The following GALNT13 variants were observed in gnomAD, a reference collection of about 807,000 sequenced individuals.
GALNT13 encodes the protein UDP-GalNAc:polypeptide N-acetylgalactosaminyltransferase 13.
A neutral mutation model predicts 64.2 loss-of-function variants in GALNT13; 28 were observed. The observed-to-expected ratio is 0.44, with a 90% CI of 0.32 to 0.60. The LOEUF (loss-of-function observed/expected upper bound fraction) is 0.60. Ranked by LOEUF, GALNT13 falls within the 20% of genes least tolerant of loss-of-function variation. The probability of loss-of-function intolerance (pLI) is 0.05; values close to 1 mark genes in which losing one functional copy is unlikely to be tolerated. For missense variants in GALNT13, 577 were observed against 669.8 expected (o/e 0.86, Z 1.53); for synonymous variants, 214 against 224.6 (o/e 0.95, Z 0.42).
the GALNT13 span, among the ~76,000 whole-genome samples, chr2:153,821,842 T>G: frequency 6.6e-6 from 1 of 151,944 alleles, no homozygotes; most frequent in South Asian, 2.1e-4. Flanking sequence ...CAATCTAAAG[T>G]AACCATGAAA....
intron 2 of GALNT13, among the ~76,000 whole-genome samples, chr2:153,933,901 A>C (rs1462609084): frequency 6.6e-6 from 1 of 152,148 alleles, no homozygotes; most frequent in Non-Finnish European, 1.5e-5. Context: ...CTTTTCTTTA[A>C]GAATACTGAA....
chr2:154,093,853 A>G (rs1701945713), intron 3 of GALNT13, among the ~76,000 whole-genome samples: 1 of 151,646 alleles, frequency 6.6e-6, no homozygotes, highest in Non-Finnish European at 1.5e-5. Flanking sequence ...ATCTTGCTCT[A>G]AGTATATTCT....
At chr2:154,092,075 GAAAAAAAAAAA>G (rs58406719) in intron 3 of GALNT13, among the ~76,000 whole-genome samples, 10 of 74,508 alleles carry the variant, frequency 1.3e-4, no homozygotes, top group African/African-American at 4.6e-4. Flanking sequence ...TTCATGTCTG[GAAAAAAAAAAA>G]AAAAAAAAAA....
At chr2:153,297,064 ACT>A in the GALNT13 span, among the ~76,000 whole-genome samples, 15 of 152,184 alleles carry the variant, frequency 9.9e-5, no homozygotes, top group Non-Finnish European at 1.8e-4. Flanking sequence ...AAGCAATCAG[ACT>A]CTAGGATGCC....
the GALNT13 span, among the ~76,000 whole-genome samples, chr2:153,700,543 A>G: frequency 1.3e-5 from 2 of 152,182 alleles, no homozygotes; most frequent in Admixed American, 1.3e-4. Flanking sequence ...GAAGAGAGGA[A>G]GTCAAATTGT....
the GALNT13 span, among the ~76,000 whole-genome samples, chr2:153,758,082 G>A: frequency 6.6e-6 from 1 of 152,024 alleles, no homozygotes; most frequent in Non-Finnish European, 1.5e-5. Context: ...GTTTTCCCCT[G>A]TTCTTTTTCT....
the GALNT13 span, among the ~76,000 whole-genome samples, chr2:153,569,048 TATAA>T: frequency 2.2e-4 from 34 of 152,334 alleles, no homozygotes; most frequent in African/African-American, 7.5e-4. Context: ...TCAGGACTAT[TATAA>T]ATAGTGCTGC....
At chr2:153,790,476 C>A in the GALNT13 span, among the ~76,000 whole-genome samples, 28 of 152,226 alleles carry the variant, frequency 1.8e-4, no homozygotes, top group South Asian at 1.0e-3. Context: ...CCATTTATGA[C>A]AAACCCAAAG....
rs1701935435 is a variant in GALNT13, at chr2:154,453,158, C to A, written c.*2607C>A. 2.0e-5 allele frequency: 3 copies of A among 152,184 alleles called. No individual in the cohort carries two copies. The highest frequency in any genetic ancestry group is 4.1e-4 in the South Asian group (2 of 4,820). The allele number at this position is 152,184 out of a possible 1,614,324, so 9.4% of individuals were successfully genotyped here. On this transcript the variant is annotated 3_prime_UTR_variant, in exon 13 of 13. Coordinates refer to ENST00000392825, the MANE Select transcript of GALNT13 (RefSeq NM_052917.4). The stretch of plus-strand genomic sequence containing the variant: ...TCGCAATATGCTTATTATTTAGTTC[C>A]CTAATTTCCCAGTCCTTGTCTTGAA...
chr2:153,381,349 G>A, the GALNT13 span, among the ~76,000 whole-genome samples: 1 of 152,046 alleles, frequency 6.6e-6, no homozygotes, highest in South Asian at 2.1e-4. Context: ...AATTTTAAGG[G>A]CTGGTAGAAG....
At chr2:153,814,629 T>C in the GALNT13 span, among the ~76,000 whole-genome samples, 1 of 152,156 alleles carries the variant, frequency 6.6e-6, no homozygotes, top group African/African-American at 2.4e-5. Context: ...CCATTGCAGC[T>C]ACCTTTGGAA....
At chr2:154,235,885 A>C (rs1367568565) in intron 4 of GALNT13, among the ~76,000 whole-genome samples, 2 of 152,156 alleles carry the variant, frequency 1.3e-5, no homozygotes, top group African/African-American at 4.8e-5. Flanking sequence ...GTAACAGTTT[A>C]TGTTTCTGTA....
At chr2:153,560,816 A>G in the GALNT13 span, among the ~76,000 whole-genome samples, 1 of 152,038 alleles carries the variant, frequency 6.6e-6, no homozygotes, top group Non-Finnish European at 1.5e-5. Flanking sequence ...ATTCTTTTTT[A>G]AAAACTTCAT....
intron 10 of GALNT13, among the ~76,000 whole-genome samples, chr2:154,399,690 T>A (rs1239677554): frequency 6.6e-6 from 1 of 152,152 alleles, no homozygotes; most frequent in Non-Finnish European, 1.5e-5. Context: ...GGGATTAGAT[T>A]TCACCATGAA....
At chr2:154,250,863 T>A (rs907724810) in intron 7 of GALNT13, among the ~76,000 whole-genome samples, 1 of 152,006 alleles carries the variant, frequency 6.6e-6, no homozygotes, top group Non-Finnish European at 1.5e-5. Context: ...ATAAAAGATA[T>A]GAAAACAACA....
chr2:154,312,246 C>T (rs1032128132), intron 9 of GALNT13, among the ~76,000 whole-genome samples: 3 of 152,208 alleles, frequency 2.0e-5, no homozygotes, highest in Non-Finnish European at 4.4e-5. Flanking sequence ...TCCATAAAAT[C>T]TTCGCAATCC....
the GALNT13 span, among the ~76,000 whole-genome samples, chr2:153,250,985 T>G: frequency 1.3e-5 from 2 of 152,150 alleles, no homozygotes; most frequent in Non-Finnish European, 2.9e-5. Context: ...ATGGCATATG[T>G]ATACCTCTGT....
At chr2:153,532,494 T>G in the GALNT13 span, among the ~76,000 whole-genome samples, 1 of 152,270 alleles carries the variant, frequency 6.6e-6, no homozygotes, top group Non-Finnish European at 1.5e-5. Flanking sequence ...CTTGAAGGCC[T>G]TTTCCCCATT....
chr2:153,889,601 G>A (rs17618832), intron 1 of GALNT13, among the ~76,000 whole-genome samples: 24,564 of 151,898 alleles, frequency 0.16, 2,398 homozygotes, highest in East Asian at 0.26. Flanking sequence ...ACTAAATACC[G>A]ATGCACTTTT....
Sources: allele counts gnomAD v4.1 joint callset (sites outside exome capture counted in the v4.1 genomes callset), GRCh38; gene constraint gnomAD v4.1.1; transcripts MANE v1.5; gene names NCBI Gene and HGNC (gene_info 2026-07-23, HGNC 2026-07-21).